IFNGR1: variants seen among roughly 807,000 people sequenced by gnomAD.
IFNGR1 encodes interferon gamma receptor 1.
A neutral mutation model predicts 35.4 loss-of-function variants in IFNGR1; 23 were observed. The observed-to-expected ratio is 0.65, with a 90% CI of 0.47 to 0.92. The LOEUF (loss-of-function observed/expected upper bound fraction) is 0.92, where lower values mean the gene tolerates loss of function less well. Among genes scored for constraint, IFNGR1 ranks in the 40% least tolerant of loss-of-function variants. The probability of loss-of-function intolerance (pLI) is 0.00; values close to 1 mark genes in which losing one functional copy is unlikely to be tolerated. For missense variants in IFNGR1, 533 were observed against 583.4 expected, an observed-to-expected ratio of 0.91 and a Z score of 0.89; for synonymous variants, 199 against 209.5, an observed-to-expected ratio of 0.95 and a Z score of 0.43.
intron 1 of IFNGR1, among the ~76,000 whole-genome samples, chr6:137,208,478 G>C (rs564007318): frequency 6.6e-6 from 1 of 152,314 alleles, no homozygotes; most frequent in African/African-American, 2.4e-5. Flanking sequence ...GCCAGGCCCA[G>C]GGTCCCCGTG....
chr6:137,198,050 T>A lies in IFNGR1; in HGVS notation c.1451A>T (p.Asp484Val). 1 of 1,614,160 alleles carries A rather than the reference T, an allele frequency of 6.2e-7. No homozygotes were observed. Among genetic ancestry groups the A allele is most frequent in the Non-Finnish European group, 8.5e-7 (1 of 1,180,012 alleles). ...ESLIGYRPTEDSKEFS is the reference protein window; with the variant it reads ...ESLIGYRPTEVSKEFS ...CTGATCTCATGAAAATTCTTTGGAA[T>A]CTTCTGTTGGTCTATAACCAATCAA... The change falls in exon 7 of 7, where the codon GAT becomes GTT. Residue 484 changes from aspartate (D) to valine (V), a missense_variant. By Grantham distance (152) the Asp-to-Val change is radical. Transcript: ENST00000367739.
In IFNGR1 at chr6:137,218,422, G is replaced by T. The variant is rs1424671416; in HGVS notation, c.85+821C>A. 3 of 1,133,098 alleles carry T rather than the reference G, an allele frequency of 2.6e-6. No individual in the cohort carries two copies. In the Admixed American group the frequency reaches 6.9e-5, roughly 26 times the overall value. The allele number at this position is 1,133,098 out of a possible 1,614,324, so 70.2% of individuals were successfully genotyped here. A position where few individuals can be genotyped will look rare whatever the true frequency, so the allele number is the denominator to read the frequency against. ...TAAGCAGGTGGAAATAAAATGCTCC[G>T]AAGAACAAACCCGTACGAAGAGACC... On this transcript the variant is annotated intron_variant, in intron 1 of 6. Coordinates refer to ENST00000367739, the MANE Select transcript of IFNGR1 (RefSeq NM_000416.3).
Position 137,203,578 on chromosome 6 carries a change from T to C in IFNGR1, c.654A>G (p.Glu218=). The C allele has an allele frequency of 6.2e-7, 1 of 1,613,758 alleles. No individual in the cohort carries two copies. The highest frequency in any genetic ancestry group is 8.5e-7 in the Non-Finnish European group (1 of 1,179,694). Residue 218 remains glutamate, a synonymous_variant, in exon 5 of 7, where the codon GAA becomes GAG. Transcript: ENST00000367739. ...SLNSQYCVSA[E]GVLHVWGVTT... ...TAACACCCCACACATGTAAGACTCC[T>C]TCTGCTGAAACACAGTACTGAGAAT...
intron 1 of IFNGR1, among the ~76,000 whole-genome samples, chr6:137,208,964 G>C (rs1163842353): frequency 6.6e-6 from 1 of 152,234 alleles, no homozygotes; most frequent in Non-Finnish European, 1.5e-5. Flanking sequence ...AGCCACAGGG[G>C]CAGAGCTGCT....
In IFNGR1 at chr6:137,197,829, TAAAA is replaced by T; in HGVS notation, c.*198_*201del. 2 of 491,416 alleles carry T rather than the reference TAAAA, an allele frequency of 4.1e-6. No homozygotes were observed. Among genetic ancestry groups the T allele is most frequent in the Non-Finnish European group, 7.0e-6 (2 of 287,694 alleles). The allele number at this position is 491,416 out of a possible 1,614,324, so 30.4% of individuals were successfully genotyped here. On this transcript the variant is annotated 3_prime_UTR_variant, in exon 7 of 7. Coordinates refer to ENST00000367739, the MANE Select transcript of IFNGR1 (RefSeq NM_000416.3). ...CATAAGTTACAATGCTTTTTTTGTT[TAAAA>T]AAAAAAAAAAGTCTGTACTTTACAA... is the stretch of plus-strand genomic sequence containing the variant.
At chr6:137,213,452 T>C (rs1020982928) in intron 1 of IFNGR1, among the ~76,000 whole-genome samples, 1 of 152,172 alleles carries the variant, frequency 6.6e-6, no homozygotes, top group Non-Finnish European at 1.5e-5. Flanking sequence ...AGCTGATAAT[T>C]TAAGAAAACT....
In IFNGR1 at chr6:137,198,584, G is replaced by A. The variant is rs2114445494; in HGVS notation, c.917C>T (p.Ser306Leu). ...AAATGGCTGGTATGACGTGATGAGTGATACATATTTTGATTCAGGTTTTGT... is the reference window on the plus strand; with the variant it reads ...AAATGGCTGGTATGACGTGATGAGTAATACATATTTTGATTCAGGTTTTGT... ...LETKPESKYV[S>L]LITSYQPFSL... The change falls in exon 7 of 7, where the codon TCA (serine) becomes TTA (leucine). Residue 306 changes from serine (S) to leucine (L), a missense_variant. Ser to Leu is a moderately radical substitution (Grantham distance 145). Coordinates refer to ENST00000367739, the MANE Select transcript of IFNGR1 (RefSeq NM_000416.3). 1.2e-6 allele frequency: 2 copies of A among 1,613,790 alleles called. No individual in the cohort carries two copies. The highest frequency in any genetic ancestry group is 1.7e-6 in the Non-Finnish European group (2 of 1,179,898).
intron 5 of IFNGR1, among the ~76,000 whole-genome samples, chr6:137,201,491 G>A (rs1160896330): frequency 6.6e-6 from 1 of 152,076 alleles, no homozygotes; most frequent in Admixed American, 6.6e-5. Context: ...TGGCCAACAT[G>A]GTGAAACCCC....
At position 137,209,559 on chromosome 6, in the gene IFNGR1, C is replaced by T. The variant is rs143113852; in HGVS notation, c.86-2482G>A. Among the ~76,000 whole-genome samples the T allele has an allele frequency of 0.016, 2,480 of 152,278 alleles. 206 individuals carry two copies. In the South Asian group the frequency reaches 0.26, roughly 16 times the overall value. Reference sequence around the variant, plus strand: ...TTATCAGGGGTTTCTGCTTTTGCTTCTTCCTCATTTTTCTCTTGCCGCCAC... The same window carrying T: ...TTATCAGGGGTTTCTGCTTTTGCTTTTTCCTCATTTTTCTCTTGCCGCCAC... On this transcript the variant is annotated intron_variant, in intron 1 of 6. Transcript: ENST00000367739.
chr6:137,208,681 G>C (rs1779507034), intron 1 of IFNGR1, among the ~76,000 whole-genome samples: 1 of 152,236 alleles, frequency 6.6e-6, no homozygotes, highest in South Asian at 2.1e-4. Context: ...TTAGATTTCA[G>C]AAGATGTATG....
intron 1 of IFNGR1, among the ~76,000 whole-genome samples, chr6:137,208,216 A>G (rs1173596833): frequency 6.6e-6 from 1 of 152,244 alleles, no homozygotes; most frequent in Non-Finnish European, 1.5e-5. Flanking sequence ...GTGCTGTTAA[A>G]GGCATTCAGT....
At chr6:137,215,375 C>G (rs1259971120) in intron 1 of IFNGR1, 2 of 1,516,502 alleles carry the variant, frequency 1.3e-6, no homozygotes, top group Non-Finnish European at 1.8e-6. Flanking sequence ...TATATTATGG[C>G]CACTGCAAAA....
intron 1 of IFNGR1, among the ~76,000 whole-genome samples, chr6:137,210,173 A>T (rs1472043942): frequency 6.6e-6 from 1 of 152,084 alleles, no homozygotes; most frequent in Non-Finnish European, 1.5e-5. Context: ...GCAAATAATT[A>T]AAAAATTAGC....
intron 1 of IFNGR1, among the ~76,000 whole-genome samples, chr6:137,207,416 G>A (rs1453842693): frequency 6.6e-6 from 1 of 152,078 alleles, no homozygotes; most frequent in Admixed American, 6.5e-5. Flanking sequence ...TTCATCACTA[G>A]AATTTTCAAT....
chr6:137,211,796 A>C (rs1779580579), intron 1 of IFNGR1, among the ~76,000 whole-genome samples: 1 of 152,230 alleles, frequency 6.6e-6, no homozygotes, highest in Non-Finnish European at 1.5e-5. Flanking sequence ...TTTAGGTAGA[A>C]ATAAAAGTCA....
chr6:137,205,754 T>C (rs527547616), intron 3 of IFNGR1, among the ~76,000 whole-genome samples: 14 of 152,302 alleles, frequency 9.2e-5, no homozygotes, highest in Middle Eastern at 3.4e-3. Flanking sequence ...TTTGTGGGGC[T>C]TGAAAGAAGG....
At chr6:137,202,170 T>C (rs527269671) in intron 5 of IFNGR1, among the ~76,000 whole-genome samples, 23 of 152,180 alleles carry the variant, frequency 1.5e-4, no homozygotes, top group Non-Finnish European at 3.1e-4. Flanking sequence ...GGAAAATAAC[T>C]ACAAAACCAA....
At chr6:137,217,319 A>G (rs888456496) in intron 1 of IFNGR1, among the ~76,000 whole-genome samples, 3 of 152,304 alleles carry the variant, frequency 2.0e-5, no homozygotes, top group East Asian at 3.9e-4. Flanking sequence ...TGATAATCCA[A>G]TGATGTCAGC....
intron 1 of IFNGR1, chr6:137,218,716 G>A (rs1779767720): frequency 5.7e-6 from 2 of 350,438 alleles, no homozygotes; most frequent in African/African-American, 2.2e-5. Flanking sequence ...GAGAAATGGA[G>A]AAATGTCCCC....
Sources: gnomAD v4.1 joint callset for allele counts (sites outside exome capture counted in the v4.1 genomes callset) on GRCh38, gnomAD v4.1.1 for gene constraint, MANE v1.5 for transcripts, NCBI Gene and HGNC (gene_info 2026-07-23, HGNC 2026-07-21) for gene names.